RNPEP: variants seen among roughly 807,000 people sequenced by gnomAD.
RNPEP encodes the protein arginyl aminopeptidase, also known as aminopeptidase B.
A neutral mutation model predicts 70.1 loss-of-function variants in RNPEP; 57 were observed. That is an observed-to-expected ratio of 0.81 (90% CI 0.66 to 1.01). RNPEP has a LOEUF of 1.01. RNPEP is among the 50% of genes least tolerant of loss of function. RNPEP has a pLI of 0.00. For synonymous variants in RNPEP, 335 were observed against 357.4 expected (o/e 0.94, Z 0.71); for missense variants, 787 against 852.4 (o/e 0.92, Z 0.96).
In RNPEP at chr1:202,005,811, A is replaced by G; in HGVS notation, c.*95A>G. 12 of 1,375,888 alleles carry G rather than the reference A, an allele frequency of 8.7e-6. No homozygotes were observed. The highest frequency in any genetic ancestry group is 1.2e-5 in the Non-Finnish European group (12 of 978,442). 85.2% of individuals were successfully genotyped at this position (1,375,888 alleles called of 1,614,324 possible). A position where few individuals can be genotyped will look rare whatever the true frequency, so the allele number is the denominator to read the frequency against. On this transcript the variant is annotated 3_prime_UTR_variant, in exon 11 of 11. Coordinates refer to ENST00000295640, the MANE Select transcript of RNPEP (RefSeq NM_020216.4). ...TCCTGTTCCCTGATCAACTTCCTGG[A>G]GTTTATATCCCCTCAGGATAATCTA...
At position 201,989,329 on chromosome 1, in the gene RNPEP, A is replaced by G. The variant is rs1683239649; in HGVS notation, c.589-54A>G. On this transcript the variant is annotated intron_variant, in intron 2 of 10. Coordinates refer to ENST00000295640, the MANE Select transcript of RNPEP (RefSeq NM_020216.4). ...GGCCGGTCATGCTCTTATTCAAACT[A>G]ATCAAAAGGAAACTCTCTCCAGGTA... The G allele has an allele frequency of 2.1e-5, 34 of 1,593,576 alleles. 1 individual carries two copies.
At chr1:201,991,948 C>T (rs1647867333) in intron 3 of RNPEP, among the ~76,000 whole-genome samples, 1 of 152,124 alleles carries the variant, frequency 6.6e-6, no homozygotes, top group African/African-American at 2.4e-5. Context: ...GGTTTCCTGT[C>T]ACATCATCTT....
intron 1 of RNPEP, among the ~76,000 whole-genome samples, chr1:201,987,963 A>G (rs576230075): frequency 1.3e-5 from 2 of 151,524 alleles, no homozygotes; most frequent in Non-Finnish European, 2.9e-5. Context: ...CAACATGATG[A>G]AACCCCGTCT....
intron 3 of RNPEP, among the ~76,000 whole-genome samples, chr1:201,994,786 C>A (rs1423422390): frequency 7.3e-5 from 11 of 151,294 alleles, no homozygotes; most frequent in African/African-American, 2.7e-4. Flanking sequence ...CCTGCCTCAG[C>A]CTCTCAGGTA....
At chr1:201,997,183 C>T in intron 4 of RNPEP, 136 bp from the exon 5 acceptor site, 2 of 689,440 alleles carry the variant, frequency 2.9e-6, no homozygotes, top group Non-Finnish European at 5.2e-6. Flanking sequence ...TTATTTTCCG[C>T]ACTGGGCCCG....
At chr1:201,990,363 G>A (rs1002791772) in intron 3 of RNPEP, among the ~76,000 whole-genome samples, 9 of 152,186 alleles carry the variant, frequency 5.9e-5, no homozygotes, top group South Asian at 4.1e-4. Context: ...CAATGCCTCC[G>A]TGAAGTTACA....
intron 8 of RNPEP, among the ~76,000 whole-genome samples, chr1:202,002,762 G>C (rs574387899): frequency 1.8e-4 from 27 of 152,298 alleles, no homozygotes; most frequent in African/African-American, 6.5e-4. Context: ...ATGTTTATTT[G>C]CTCATGTAAT....
At chr1:202,005,513 C>T (rs1170246900) in intron 10 of RNPEP, 45 bp from the exon 11 acceptor site, 2 of 1,605,544 alleles carry the variant, frequency 1.2e-6, no homozygotes, top group Admixed American at 1.7e-5. Context: ...CTGGACAGAT[C>T]CACCAGGCAA....
intron 3 of RNPEP, among the ~76,000 whole-genome samples, chr1:201,991,762 A>G (rs1025651631): frequency 1.3e-5 from 2 of 152,136 alleles, no homozygotes; most frequent in African/African-American, 4.8e-5. Flanking sequence ...TTTGACAGAA[A>G]TGTGTGTCCT....
chr1:201,982,832 A>T lies in RNPEP; in HGVS notation c.166A>T (p.Ser56Cys). Residue 56 changes from serine (S) to cysteine (C), a missense_variant, in exon 1 of 11, where the codon AGC (serine) becomes TGC (cysteine). Coordinates refer to ENST00000295640, the MANE Select transcript of RNPEP (RefSeq NM_020216.4). ...CGGGCCTCCAGGGCCCGGCGCAGGG[A>T]GCCGGGGGCTGAGCGGCACCGCGGT... ...EFGPPGPGAG[S>C]RGLSGTAVLD... The T allele has an allele frequency of 7.5e-7, 1 of 1,336,908 alleles. No homozygotes were observed. The highest frequency in any genetic ancestry group is 9.6e-7 in the Non-Finnish European group (1 of 1,044,534). 82.8% of individuals were successfully genotyped at this position (1,336,908 alleles called of 1,614,324 possible).
intron 1 of RNPEP, among the ~76,000 whole-genome samples, chr1:201,988,001 G>A (rs1409074926): frequency 2.0e-5 from 3 of 151,872 alleles, no homozygotes; most frequent in African/African-American, 2.4e-5. Flanking sequence ...TTAGTCGGAT[G>A]TGGTGGTGCA....
Position 201,996,224 on chromosome 1 carries a change from C to T in RNPEP, c.815C>T (p.Ala272Val). Residue 272 changes from alanine (A) to valine (V), a missense_variant, in exon 4 of 11, where the codon GCA (alanine) becomes GTA (valine). Transcript: ENST00000295640. ...EYNGVIEEFL[A>V]TGEKLFGPYV... ...AACGGGGTGATAGAAGAATTTTTGG[C>T]AACAGGAGAGAAGCTTTTTGGACCT... is the stretch of plus-strand genomic sequence containing the variant. The T allele has an allele frequency of 1.2e-6, 2 of 1,614,028 alleles. No homozygotes were observed. Among genetic ancestry groups the T allele is most frequent in the Non-Finnish European group, 8.5e-7 (1 of 1,179,920 alleles).
Position 202,003,221 on chromosome 1 carries a change from C to G in RNPEP, c.1427-16C>G. The stretch of plus-strand genomic sequence containing the variant: ...GGCCAGAGAATTCTGATAGTGTCTT[C>G]TCTCCTCCCAAACAGGTTTTGAGTT... On this transcript the variant is annotated splice_polypyrimidine_tract_variant and intron_variant, in intron 8 of 10. Coordinates refer to ENST00000295640, the MANE Select transcript of RNPEP (RefSeq NM_020216.4). The G allele has an allele frequency of 6.3e-7, 1 of 1,597,600 alleles. No individual in the cohort carries two copies. The highest frequency in any genetic ancestry group is 1.1e-5 in the South Asian group (1 of 90,178).
intron 1 of RNPEP, 184 bp downstream of exon 1, chr1:201,983,297 C>T (rs1239860121): frequency 1.1e-5 from 15 of 1,428,364 alleles, no homozygotes; most frequent in Admixed American, 3.0e-5. Context: ...CTTTTCCTCC[C>T]GGGCTGCCTG....
At chr1:201,983,287 CT>C in intron 1 of RNPEP, 174 bp downstream of exon 1, 1 of 1,442,722 alleles carries the variant, frequency 6.9e-7, no homozygotes, top group Non-Finnish European at 9.1e-7. Flanking sequence ...CTTGCTTCCT[CT>C]TTTCCTCCCG....
At chr1:201,999,850 T>G in intron 5 of RNPEP, 52 bp from the exon 6 acceptor site, 1 of 1,430,346 alleles carries the variant, frequency 7.0e-7, no homozygotes. Flanking sequence ...GAAAATACAC[T>G]TGGATGTGGT....
At chr1:201,998,812 C>G (rs543969098) in intron 5 of RNPEP, among the ~76,000 whole-genome samples, 8 of 152,152 alleles carry the variant, frequency 5.3e-5, no homozygotes, top group African/African-American at 1.9e-4. Context: ...ACCCTGTGCC[C>G]CACCCCTCCA....
chr1:201,997,393 C>T lies in RNPEP; in HGVS notation c.929C>T (p.Pro310Leu), dbSNP rs1348330939. The T allele has an allele frequency of 6.2e-6, 10 of 1,614,150 alleles. No homozygotes were observed. The highest frequency in any genetic ancestry group is 4.5e-5 in the East Asian group (2 of 44,868). ...MENPCLTFVTPCLLAGDRSLA... is the reference protein window; with the variant it reads ...MENPCLTFVTLCLLAGDRSLA... Reference sequence around the variant, plus strand: ...AACCCTTGTCTGACCTTTGTCACCCCCTGCCTGCTAGCTGGGGACCGCTCC... The same window carrying T: ...AACCCTTGTCTGACCTTTGTCACCCTCTGCCTGCTAGCTGGGGACCGCTCC... Residue 310 changes from proline to leucine, a missense_variant, in exon 5 of 11, where the codon CCC (proline) becomes CTC (leucine). Physicochemically the swap from Pro to Leu is moderately conservative, Grantham distance 98 (BLOSUM62 -3). Transcript: ENST00000295640.
intron 1 of RNPEP, chr1:201,983,761 A>G: frequency 1.8e-6 from 2 of 1,103,876 alleles, no homozygotes; most frequent in Non-Finnish European, 2.2e-6. Flanking sequence ...TTAACTCTTT[A>G]ATTTTTTTTC....
Sources: gnomAD v4.1 joint callset for allele counts (sites outside exome capture counted in the v4.1 genomes callset) on GRCh38, gnomAD v4.1.1 for gene constraint, MANE v1.5 for transcripts, NCBI Gene and HGNC (gene_info 2026-07-23, HGNC 2026-07-21) for gene names.